Variants in RBM17 observed in about 807,000 individuals in gnomAD.
The protein encoded by RBM17 is splicing factor 45.
RBM17 carries 7 observed loss-of-function variants against 53.2 expected under a neutral mutation model. That is an observed-to-expected ratio of 0.13 (90% confidence interval 0.07 to 0.25). The LOEUF (loss-of-function observed/expected upper bound fraction) is 0.25, where lower values mean the gene tolerates loss of function less well. Among genes scored for constraint, RBM17 ranks in the 10% least tolerant of loss-of-function variants. The pLI, the probability that RBM17 is intolerant of heterozygous loss-of-function variation, is 1.00. For synonymous variants in RBM17, 167 were observed against 178.1 expected, an observed-to-expected ratio of 0.94 and a Z score of 0.50; for missense variants, 257 against 496.7, an observed-to-expected ratio of 0.52 and a Z score of 4.59.
chr10:6,091,064 T>C (rs1000245806), intron 1 of RBM17, among the ~76,000 whole-genome samples: 6 of 148,826 alleles, frequency 4.0e-5, no homozygotes, highest in African/African-American at 9.8e-5. Flanking sequence ...TATATACATA[T>C]ATTTTTTTCT....
chr10:6,111,315 A>T (rs1840834081), intron 7 of RBM17, among the ~76,000 whole-genome samples: 1 of 152,206 alleles, frequency 6.6e-6, no homozygotes, highest in East Asian at 1.9e-4. Context: ...GTCCAGTTTC[A>T]GCTCTACCAT....
chr10:6,098,556 G>GGTTTTTGTTTTTTT (rs1840613398), intron 2 of RBM17, among the ~76,000 whole-genome samples: 33 of 87,974 alleles, frequency 3.8e-4, no homozygotes, highest in Admixed American at 2.6e-3. Flanking sequence ...TAATACACAG[G>GGTTTTTGTTTTTTT]TTTTTTGTTT....
In RBM17 at chr10:6,101,397, C is replaced by T. The variant is rs1198896797; in HGVS notation, c.240+10C>T. ...AGCAGCTGGGCTGAAGGTAAGCCCG[C>T]GCCTGCCTGTGAGCTTGATACGTGT... On this transcript the variant is annotated intron_variant, in intron 3 of 11. Coordinates refer to ENST00000379888, the MANE Select transcript of RBM17 (RefSeq NM_032905.5). 1.0e-5 allele frequency: 16 copies of T among 1,561,732 alleles called. No individual in the cohort carries two copies. The highest frequency in any genetic ancestry group is 5.6e-5 in the South Asian group (5 of 89,236).
intron 1 of RBM17, among the ~76,000 whole-genome samples, chr10:6,090,690 C>T (rs917595535): frequency 2.0e-5 from 3 of 152,164 alleles, no homozygotes; most frequent in Non-Finnish European, 2.9e-5. Flanking sequence ...ATCTCTCAAA[C>T]CTTTCATAAT....
chr10:6,092,518 C>T (rs1840501599), intron 1 of RBM17, among the ~76,000 whole-genome samples: 1 of 152,176 alleles, frequency 6.6e-6, no homozygotes, highest in South Asian at 2.1e-4. Flanking sequence ...GGGGAAATTA[C>T]ATGAATGGGT....
At chr10:6,109,922 C>G (rs1445892657) in intron 6 of RBM17, 64 bp from the exon 7 acceptor site, 1 of 1,310,342 alleles carries the variant, frequency 7.6e-7, no homozygotes, top group Non-Finnish European at 1.0e-6. Flanking sequence ...ATAATTGATA[C>G]AAGTGAGGTT....
chr10:6,096,991 A>G, intron 1 of RBM17, 57 bp from the exon 2 acceptor site: 2 of 1,517,944 alleles, frequency 1.3e-6, no homozygotes, highest in Non-Finnish European at 1.8e-6. Flanking sequence ...TTATTTTAAC[A>G]TGAAAAGCCT....
intron 1 of RBM17, 162 bp from the exon 2 acceptor site, chr10:6,096,886 A>G (rs1475914197): frequency 9.6e-6 from 5 of 520,346 alleles, no homozygotes; most frequent in African/African-American, 1.9e-5. Flanking sequence ...GTCTAGCTTC[A>G]TGTATCAGGA....
chr10:6,113,300 A>G, intron 8 of RBM17: 1 of 446,602 alleles, frequency 2.2e-6, no homozygotes, highest in East Asian at 3.8e-5. Flanking sequence ...ATGCTATTGT[A>G]AAAACATGCC....
chr10:6,113,356 T>C, intron 8 of RBM17, 152 bp from the exon 9 acceptor site: 1 of 571,498 alleles, frequency 1.7e-6, no homozygotes, highest in South Asian at 2.4e-5. Context: ...GTGTTTTCGC[T>C]CAGAGACCAA....
intron 9 of RBM17, 53 bp from the exon 10 acceptor site, chr10:6,113,995 AG>A: frequency 1.8e-6 from 2 of 1,105,096 alleles, no homozygotes; most frequent in Non-Finnish European, 2.7e-6. Context: ...TACCTCTGCT[AG>A]GTGTTTGTAA....
chr10:6,107,996 G>C (rs1840780488), intron 5 of RBM17, among the ~76,000 whole-genome samples: 1 of 152,046 alleles, frequency 6.6e-6, no homozygotes, highest in African/African-American at 2.4e-5. Context: ...CCAGTTGTCG[G>C]ATACCAGATA....
chr10:6,102,414 TC>T (rs1216257181), intron 3 of RBM17, among the ~76,000 whole-genome samples: 2 of 152,158 alleles, frequency 1.3e-5, no homozygotes, highest in Non-Finnish European at 2.9e-5. Flanking sequence ...CCTTGAGTTG[TC>T]CTTTTCTGAG....
intron 5 of RBM17, among the ~76,000 whole-genome samples, chr10:6,108,022 T>C (rs544369224): frequency 3.3e-5 from 5 of 152,186 alleles, no homozygotes; most frequent in African/African-American, 4.8e-5. Context: ...ATCTGTCTTA[T>C]CTCTTTTGGT....
intron 3 of RBM17, among the ~76,000 whole-genome samples, chr10:6,102,071 G>T (rs1840677398): frequency 6.6e-6 from 1 of 152,196 alleles, no homozygotes; most frequent in African/African-American, 2.4e-5. Context: ...GAGGTAAAAT[G>T]AGTGAATAAA....
chr10:6,092,493 T>A (rs1840501082), intron 1 of RBM17, among the ~76,000 whole-genome samples: 1 of 152,166 alleles, frequency 6.6e-6, no homozygotes, highest in Non-Finnish European at 1.5e-5. Flanking sequence ...AAGGAAATAA[T>A]GAGAAGAGGA....
At chr10:6,100,122 T>C (rs1840649471) in intron 2 of RBM17, among the ~76,000 whole-genome samples, 1 of 152,238 alleles carries the variant, frequency 6.6e-6, no homozygotes, top group Non-Finnish European at 1.5e-5. Context: ...CGTATTTACT[T>C]TGTGAGTTGT....
Position 6,115,445 on chromosome 10 carries a change from C to T in RBM17, c.1103-8C>T, listed in dbSNP as rs370488019. The stretch of plus-strand genomic sequence containing the variant: ...ACCTGTATTAACTGTCTTTTGTTTG[C>T]CTTTCAGCGGTTGTTGACTTGAATG... On this transcript the variant is annotated splice_polypyrimidine_tract_variant and splice_region_variant and intron_variant, in intron 11 of 11. Transcript: ENST00000379888. 2.3e-5 allele frequency: 37 copies of T among 1,602,772 alleles called. No individual in the cohort carries two copies. The highest frequency in any genetic ancestry group is 3.1e-5 in the Non-Finnish European group (36 of 1,169,806).
chr10:6,115,652 C>CA lies in RBM17; in HGVS notation c.*97dup. ...AAGGTCACAGCCTCCATGGCTGTTG[C>CA]ATACCAAGACTCTTGGAAGGACTTC... On this transcript the variant is annotated 3_prime_UTR_variant, in exon 12 of 12. Transcript: ENST00000379888. 1 of 739,710 alleles carries CA rather than the reference C, an allele frequency of 1.4e-6. No individual in the cohort carries two copies. Among genetic ancestry groups the CA allele is most frequent in the South Asian group, 1.6e-5 (1 of 62,172 alleles). 45.8% of individuals were successfully genotyped at this position (739,710 alleles called of 1,614,324 possible).
Sources: allele counts gnomAD v4.1 joint callset (sites outside exome capture counted in the v4.1 genomes callset), GRCh38; gene constraint gnomAD v4.1.1; transcripts MANE v1.5; gene names NCBI Gene and HGNC (gene_info 2026-07-23, HGNC 2026-07-21).